Variants in BOC observed in about 807,000 individuals in gnomAD.
The protein encoded by BOC is BOC cell adhesion associated, oncogene regulated.
Under a neutral mutation model 112.0 loss-of-function variants are expected in BOC, and 76 were observed. The ratio of observed to expected loss-of-function variants is 0.68; its 90% CI spans 0.56 to 0.82. The LOEUF (loss-of-function observed/expected upper bound fraction) is 0.82. BOC is among the 40% of genes least tolerant of loss of function. The pLI is 0.00. For synonymous variants in BOC, 580 were observed against 599.8 expected, an observed-to-expected ratio of 0.97 and a Z score of 0.48; for missense variants, 1,309 against 1,511.7, an observed-to-expected ratio of 0.87 and a Z score of 2.22.
At chr3:113,286,478 G>C (rs1042757455) in intron 19 of BOC, among the ~76,000 whole-genome samples, 197 bp from the exon 20 acceptor site, 1 of 152,110 alleles carries the variant, frequency 6.6e-6, no homozygotes, top group African/African-American at 2.4e-5. Context: ...TGGGAAATGG[G>C]TGGCAAGTGG....
chr3:113,249,663 C>A, intron 2 of BOC, 59 bp from the exon 3 acceptor site: 1 of 646,724 alleles, frequency 1.5e-6, no homozygotes, highest in Non-Finnish European at 2.5e-6. Context: ...GTGGCCACCA[C>A]AGGTGCACCC....
In BOC at chr3:113,278,009, G is replaced by T. The variant is rs1393414572; in HGVS notation, c.1543-86G>T. ...TCCTTCCCCTTCTCCTGCCCTCTTGGGCTCAGCGCTGCTTTCTTTGTAAAC... is the reference window on the plus strand; with the variant it reads ...TCCTTCCCCTTCTCCTGCCCTCTTGTGCTCAGCGCTGCTTTCTTTGTAAAC... On this transcript the variant is annotated intron_variant, in intron 9 of 19. Coordinates refer to ENST00000682979, the MANE Select transcript of BOC (RefSeq NM_001378074.1). The surrounding 1 kb of genome is among the most constrained non-coding windows in gnomAD (Gnocchi z 4.2). 9.9e-5 allele frequency: 150 copies of T among 1,519,964 alleles called. No homozygotes were observed. The highest frequency in any genetic ancestry group is 1.2e-4 in the Non-Finnish European group (137 of 1,111,302). The allele number at this position is 1,519,964 out of a possible 1,614,324, so 94.2% of individuals were successfully genotyped here.
At chr3:113,276,931 G>A (rs192995252) in intron 9 of BOC, among the ~76,000 whole-genome samples, 141 of 152,324 alleles carry the variant, frequency 9.3e-4, no homozygotes, top group East Asian at 1.2e-3. Context: ...GCTCCAGCAG[G>A]TTCTCTGGGG....
intron 3 of BOC, among the ~76,000 whole-genome samples, chr3:113,250,176 G>A (rs987752623): frequency 6.6e-5 from 10 of 152,140 alleles, no homozygotes; most frequent in African/African-American, 1.9e-4. Flanking sequence ...ACAGTGTCAC[G>A]GCAGGCAATT....
chr3:113,253,888 T>C (rs1054666881), intron 4 of BOC, among the ~76,000 whole-genome samples: 4 of 152,216 alleles, frequency 2.6e-5, no homozygotes, highest in Non-Finnish European at 5.9e-5. Flanking sequence ...GGAGGTTTCA[T>C]CTGCAAATGG....
chr3:113,241,499 C>T (rs1944290969), intron 2 of BOC, among the ~76,000 whole-genome samples: 1 of 152,108 alleles, frequency 6.6e-6, no homozygotes, highest in Non-Finnish European at 1.5e-5. Flanking sequence ...CACACCTAAC[C>T]CCAAAGTCCA....
intron 2 of BOC, among the ~76,000 whole-genome samples, chr3:113,221,939 A>G (rs1940758240): frequency 1.3e-5 from 2 of 152,142 alleles, no homozygotes; most frequent in Admixed American, 6.5e-5. Context: ...CTGGCTGGGC[A>G]GCCTCCTCCC....
chr3:113,254,873 T>C (rs902359700), intron 4 of BOC, among the ~76,000 whole-genome samples: 6 of 152,182 alleles, frequency 3.9e-5, no homozygotes. Context: ...TCTGGTCCAG[T>C]GTTGGAAGCT....
Position 113,274,239 on chromosome 3 carries a change from C to A in BOC, c.1235-136C>A. Reference sequence around the variant, plus strand: ...TTCCACGGAGCCTGGCTGGGCAGCACAGAGTGGGTGGCGGTACAGCTGATG... The same window carrying A: ...TTCCACGGAGCCTGGCTGGGCAGCAAAGAGTGGGTGGCGGTACAGCTGATG... On this transcript the variant is annotated intron_variant, in intron 8 of 19. Transcript: ENST00000682979. The surrounding 1 kb of genome is among the most constrained non-coding windows in gnomAD (Gnocchi z 4.8). 1.3e-6 allele frequency: 1 copy of A among 774,038 alleles called. No individual in the cohort carries two copies. Among genetic ancestry groups the A allele is most frequent in the Non-Finnish European group, 1.9e-6 (1 of 520,122 alleles). The allele number at this position is 774,038 out of a possible 1,614,324, so 47.9% of individuals were successfully genotyped here.
intron 9 of BOC, among the ~76,000 whole-genome samples, chr3:113,275,761 C>T (rs1180229688): frequency 6.6e-6 from 1 of 152,214 alleles, no homozygotes; most frequent in Non-Finnish European, 1.5e-5. Context: ...CAGTGGAGAG[C>T]GCTAGCTGTG....
chr3:113,266,607 C>G (rs1353551456), intron 4 of BOC, among the ~76,000 whole-genome samples: 2 of 152,180 alleles, frequency 1.3e-5, no homozygotes, highest in African/African-American at 4.8e-5. Flanking sequence ...TTGTACCTAA[C>G]TCGTGGGGCT....
chr3:113,250,522 C>T lies in BOC; in HGVS notation c.98-33C>T, dbSNP rs1278318286. On this transcript the variant is annotated intron_variant, in intron 3 of 19. Transcript: ENST00000682979. The stretch of plus-strand genomic sequence containing the variant: ...CGTGATGTTGTTTTCTTGGGGGCAT[C>T]AGTTCATTGCTGCATCCCTGTTCTT... The T allele has an allele frequency of 2.6e-6, 4 of 1,564,820 alleles. No homozygotes were observed. The South Asian group carries it at 4.9e-5, about 19-fold the overall frequency.
chr3:113,280,694 G>C (rs763824049), intron 14 of BOC, 31 bp downstream of exon 14: 2 of 1,517,898 alleles, frequency 1.3e-6, no homozygotes, highest in Non-Finnish European at 1.8e-6. Context: ...TATAGCTTCT[G>C]CGTGATATAG....
At chr3:113,248,279 A>C (rs1011757569) in intron 2 of BOC, among the ~76,000 whole-genome samples, 2 of 152,234 alleles carry the variant, frequency 1.3e-5, no homozygotes, top group African/African-American at 4.8e-5. Flanking sequence ...GTGTCAGGCA[A>C]GTCGGGTGTC....
Position 113,270,902 on chromosome 3 carries a change from G to A in BOC, c.625G>A (p.Glu209Lys). The change falls in exon 6 of 20, where the codon GAA (glutamate) becomes AAA (lysine). Residue 209 changes from glutamate (E) to lysine (K), a missense_variant. Coordinates refer to ENST00000682979, the MANE Select transcript of BOC (RefSeq NM_001378074.1). ...TGCAGCCTACAACCCAGTGACCCAG[G>A]AAGTGAAAACCTCCGGCTCCAGCGA... Reference protein sequence around the residue: ...KCAAYNPVTQEVKTSGSSDRL... With the variant: ...KCAAYNPVTQKVKTSGSSDRL... The A allele has an allele frequency of 6.2e-7, 1 of 1,614,228 alleles. No homozygotes were observed. Among genetic ancestry groups the A allele is most frequent in the Non-Finnish European group, 8.5e-7 (1 of 1,180,042 alleles).
intron 12 of BOC, 71 bp from the exon 13 acceptor site, chr3:113,279,753 C>T: frequency 1.3e-6 from 2 of 1,486,358 alleles, no homozygotes; most frequent in Non-Finnish European, 1.8e-6. Context: ...AGGTCCTGGG[C>T]CTTGAAAGGC....
rs1026150794 is a variant in BOC, at chr3:113,279,401, A to G, written c.1969A>G (p.Thr657Ala). ...LKKVGDWILATSAIPPSRLSV... is the reference protein window; with the variant it reads ...LKKVGDWILAASAIPPSRLSV... The stretch of plus-strand genomic sequence containing the variant: ...GAAAGTGGGAGACTGGATTCTGGCC[A>G]CCAGCGCCATCCCCCCATCGCGGCT... Residue 657 changes from threonine (T) to alanine (A), a missense_variant, in exon 12 of 20, where the codon ACC becomes GCC. Physicochemically the swap from Thr to Ala is moderately conservative, Grantham distance 58. Coordinates refer to ENST00000682979, the MANE Select transcript of BOC (RefSeq NM_001378074.1). 6.2e-7 allele frequency: 1 copy of G among 1,614,166 alleles called. No individual in the cohort carries two copies. Among genetic ancestry groups the G allele is most frequent in the Non-Finnish European group, 8.5e-7 (1 of 1,180,006 alleles).
At chr3:113,216,895 A>G (rs931628774) in intron 2 of BOC, among the ~76,000 whole-genome samples, 1 of 152,192 alleles carries the variant, frequency 6.6e-6, no homozygotes, top group Non-Finnish European at 1.5e-5. Flanking sequence ...CTGGTTAGCA[A>G]AAGGAAAGTG....
At chr3:113,245,007 G>T (rs2107307181) in intron 2 of BOC, among the ~76,000 whole-genome samples, 1 of 152,186 alleles carries the variant, frequency 6.6e-6, no homozygotes, top group East Asian at 1.9e-4. Context: ...AATTAGCTGG[G>T]AGACCTTCTA....
Sources: allele counts gnomAD v4.1 joint callset (sites outside exome capture counted in the v4.1 genomes callset), GRCh38; gene constraint gnomAD v4.1.1; non-coding constraint Gnocchi (gnomAD v3.1); transcripts MANE v1.5; gene names NCBI Gene and HGNC (gene_info 2026-07-23, HGNC 2026-07-21).